Variants in MEIS1 observed in about 807,000 individuals in gnomAD.
MEIS1 encodes the protein homeobox protein Meis1.
MEIS1 carries 5 observed loss-of-function variants against 50.8 expected under a neutral mutation model. The ratio of observed to expected loss-of-function variants is 0.10; its 90% CI spans 0.05 to 0.21. The LOEUF is 0.21. Among genes scored for constraint, MEIS1 ranks in the 10% least tolerant of loss-of-function variants. The probability of loss-of-function intolerance (pLI) is 1.00; values close to 1 mark genes in which losing one functional copy is unlikely to be tolerated. For missense variants in MEIS1, 318 were observed against 517.3 expected (o/e 0.61, Z 3.74); for synonymous variants, 176 against 179.3 (o/e 0.98, Z 0.15).
intron 6 of MEIS1, among the ~76,000 whole-genome samples, chr2:66,450,982 G>C (rs895260024): frequency 6.6e-6 from 1 of 151,972 alleles, no homozygotes; most frequent in South Asian, 2.1e-4. Flanking sequence ...TAGTTTGCTA[G>C]GTCTCATTTT....
chr2:66,443,088 A>T, intron 6 of MEIS1, 40 bp downstream of exon 6: 1 of 1,555,014 alleles, frequency 6.4e-7, no homozygotes, highest in Non-Finnish European at 8.6e-7. Flanking sequence ...GGAAAAAAAA[A>T]AATCTGTATG....
chr2:66,516,366 G>A (rs1323791409), intron 8 of MEIS1, among the ~76,000 whole-genome samples: 1 of 152,068 alleles, frequency 6.6e-6, no homozygotes, highest in Non-Finnish European at 1.5e-5. Context: ...AGTCGGAATG[G>A]TGATTCTGAT....
chr2:66,435,863 CA>C lies in MEIS1; in HGVS notation c.10del (p.Arg4GlyfsTer14). MAQRYDDLPHYGG... is the reference protein window; with the variant it reads MAXRYDDLPHYGG... ...AAGGGAGCCAGAGAGGCCGATGGCG[CA>C]AAGGGTACGTATTAAAAAACAATTG... On this transcript the variant is annotated frameshift_variant, in exon 1 of 13. Transcript: ENST00000272369. LOFTEE classifies it high-confidence loss of function. The C allele has an allele frequency of 6.4e-7, 1 of 1,568,896 alleles. No homozygotes were observed. Among genetic ancestry groups the C allele is most frequent in the Admixed American group, 1.9e-5 (1 of 52,188 alleles).
At chr2:66,448,194 AATATC>A (rs1672196752) in intron 6 of MEIS1, among the ~76,000 whole-genome samples, 1 of 152,160 alleles carries the variant, frequency 6.6e-6, no homozygotes, top group Non-Finnish European at 1.5e-5. Flanking sequence ...AAGTAACTGA[AATATC>A]ATGCTAGAAT....
chr2:66,530,723 A>C (rs1184633475), intron 8 of MEIS1, among the ~76,000 whole-genome samples: 4 of 152,324 alleles, frequency 2.6e-5, no homozygotes, highest in African/African-American at 9.6e-5. Context: ...CTCAAAAAAA[A>C]AAAATTAGTA....
intron 9 of MEIS1, among the ~76,000 whole-genome samples, chr2:66,560,687 C>A (rs1675191762): frequency 6.6e-6 from 1 of 152,044 alleles, no homozygotes; most frequent in African/African-American, 2.4e-5. Context: ...TTGGCAAATA[C>A]CCCCAACACT....
intron 7 of MEIS1, among the ~76,000 whole-genome samples, chr2:66,511,739 G>A (rs1214055144): frequency 6.6e-6 from 1 of 152,188 alleles, no homozygotes; most frequent in African/African-American, 2.4e-5. Context: ...CTTCTCACAA[G>A]TCAATGTCAA....
intron 7 of MEIS1, chr2:66,508,936 A>G (rs1356886428): frequency 2.2e-6 from 1 of 444,820 alleles, no homozygotes; most frequent in Admixed American, 2.8e-5. Flanking sequence ...AGGAGAAGTC[A>G]GCTCCAGGAA....
At chr2:66,487,891 G>A (rs1673179826) in intron 7 of MEIS1, among the ~76,000 whole-genome samples, 1 of 152,232 alleles carries the variant, frequency 6.6e-6, no homozygotes, top group Non-Finnish European at 1.5e-5. Context: ...GAAGTATGCT[G>A]AAGGTCAGTT....
intron 7 of MEIS1, among the ~76,000 whole-genome samples, chr2:66,501,293 T>A (rs547558400): frequency 7.2e-5 from 11 of 152,326 alleles, no homozygotes; most frequent in Admixed American, 5.2e-4. Context: ...TACTCTTTAT[T>A]TCCTGAGAAA....
At chr2:66,464,054 C>A in intron 6 of MEIS1, 55 bp from the exon 7 acceptor site, 1 of 1,300,370 alleles carries the variant, frequency 7.7e-7, no homozygotes, top group Non-Finnish European at 1.1e-6. Context: ...TGGGATCCTA[C>A]CAATAAGGGT....
At chr2:66,538,645 T>C (rs1244703839) in intron 8 of MEIS1, among the ~76,000 whole-genome samples, 2 of 152,210 alleles carry the variant, frequency 1.3e-5, no homozygotes, top group East Asian at 3.9e-4. Context: ...AGCTGCATCA[T>C]CACTGGGAAT....
intron 5 of MEIS1, among the ~76,000 whole-genome samples, chr2:66,442,543 A>G (rs1672020882): frequency 6.6e-6 from 1 of 152,174 alleles, no homozygotes; most frequent in South Asian, 2.1e-4. Flanking sequence ...TAGACACATT[A>G]GAAAGGGATT....
At chr2:66,467,147 A>T (rs989153179) in intron 7 of MEIS1, among the ~76,000 whole-genome samples, 2 of 152,192 alleles carry the variant, frequency 1.3e-5, no homozygotes, top group African/African-American at 4.8e-5. Flanking sequence ...AGGAGATTTT[A>T]AATGTTCTAA....
At chr2:66,464,315 C>T in intron 7 of MEIS1, 95 bp downstream of exon 7, 1 of 1,004,894 alleles carries the variant, frequency 1.0e-6, no homozygotes, top group South Asian at 1.4e-5. Flanking sequence ...ACAGTTTTTC[C>T]TAGAAGATAA....
intron 8 of MEIS1, among the ~76,000 whole-genome samples, chr2:66,524,421 G>A (rs1248559777): frequency 6.6e-6 from 1 of 152,038 alleles, no homozygotes; most frequent in African/African-American, 2.4e-5. Context: ...AATTAGCCAG[G>A]TGTGGTGGCT....
intron 9 of MEIS1, among the ~76,000 whole-genome samples, chr2:66,565,532 C>T (rs762177707): frequency 7.2e-5 from 11 of 152,174 alleles, no homozygotes; most frequent in Non-Finnish European, 1.2e-4. Flanking sequence ...GAGGAGGGTG[C>T]TTGCTACCAC....
chr2:66,564,680 T>C (rs1490700863), intron 9 of MEIS1, among the ~76,000 whole-genome samples: 1 of 152,032 alleles, frequency 6.6e-6, no homozygotes, highest in African/African-American at 2.4e-5. Context: ...CCCCAAGGAG[T>C]TGTGCTGATA....
intron 7 of MEIS1, among the ~76,000 whole-genome samples, chr2:66,466,150 A>C (rs1558528580): frequency 6.6e-6 from 1 of 152,224 alleles, no homozygotes; most frequent in Non-Finnish European, 1.5e-5. Flanking sequence ...AGAGGAGAAG[A>C]ATAAGGTACA....
Sources: allele counts gnomAD v4.1 joint callset (sites outside exome capture counted in the v4.1 genomes callset), GRCh38; gene constraint gnomAD v4.1.1; transcripts MANE v1.5; gene names NCBI Gene and HGNC (gene_info 2026-07-23, HGNC 2026-07-21).